PEBP4: variants seen among roughly 807,000 people sequenced by gnomAD.
The protein encoded by PEBP4 is phosphatidylethanolamine binding protein 4.
A neutral mutation model predicts 23.9 loss-of-function variants in PEBP4; 22 were observed. The ratio of observed to expected loss-of-function variants is 0.92; its 90% CI spans 0.66 to 1.31. The LOEUF is 1.31. PEBP4 is among the 40% of genes most tolerant of loss of function. The pLI is 0.00. For synonymous variants in PEBP4, 112 were observed against 99.3 expected, an observed-to-expected ratio of 1.13 and a Z score of -0.76; for missense variants, 324 against 281.7, an observed-to-expected ratio of 1.15 and a Z score of -1.07.
intron 3 of PEBP4, among the ~76,000 whole-genome samples, chr8:22,843,556 A>G (rs1386010889): frequency 1.3e-5 from 2 of 152,188 alleles, no homozygotes; most frequent in African/African-American, 4.8e-5. Flanking sequence ...GGTGTACTTG[A>G]CGGTGCTCAA....
intron 6 of PEBP4, among the ~76,000 whole-genome samples, chr8:22,715,395 C>T (rs1804394388): frequency 6.6e-6 from 1 of 151,788 alleles, no homozygotes; most frequent in Non-Finnish European, 1.5e-5. Flanking sequence ...AGTGTGTGCA[C>T]ACACATGTGT....
At chr8:22,851,826 ATTGAG>A (rs1184840877) in intron 3 of PEBP4, among the ~76,000 whole-genome samples, 1 of 152,112 alleles carries the variant, frequency 6.6e-6, no homozygotes, top group African/African-American at 2.4e-5. Flanking sequence ...ATGCACTGCA[ATTGAG>A]TTAAGTGGAA....
At chr8:22,767,977 C>T (rs762707782) in intron 4 of PEBP4, among the ~76,000 whole-genome samples, 6 of 152,228 alleles carry the variant, frequency 3.9e-5, no homozygotes, top group Admixed American at 6.5e-5. Context: ...TCAGGTGATC[C>T]GCCCACCCCG....
chr8:22,726,323 C>T (rs567526227), intron 5 of PEBP4, among the ~76,000 whole-genome samples: 1 of 152,312 alleles, frequency 6.6e-6, no homozygotes, highest in South Asian at 2.1e-4. Context: ...GATGTGTGGG[C>T]ATGTGGGCTG....
intron 3 of PEBP4, among the ~76,000 whole-genome samples, chr8:22,851,001 G>C (rs1049910079): frequency 2.0e-5 from 3 of 152,214 alleles, no homozygotes. Context: ...TTAGGAAACA[G>C]CATTTGGGCA....
In PEBP4 at chr8:22,803,085, C is replaced by T. The variant is rs189058566; in HGVS notation, c.357+14552G>A. 2.1e-4 allele frequency among the ~76,000 whole-genome samples: 32 copies of T among 152,322 alleles called. No homozygotes were observed. The East Asian group carries it at 6.2e-3, about 29-fold the overall frequency. On this transcript the variant is annotated intron_variant, in intron 4 of 6. Coordinates refer to ENST00000256404, the MANE Select transcript of PEBP4 (RefSeq NM_144962.3). The stretch of plus-strand genomic sequence containing the variant: ...GCCTCCAAGGCCCTGTACCGTGAGA[C>T]CTCCCTGCCTCTCCTCACTCTCCTC...
chr8:22,850,063 T>C (rs921133396), intron 3 of PEBP4, among the ~76,000 whole-genome samples: 2 of 151,482 alleles, frequency 1.3e-5, no homozygotes, highest in Admixed American at 6.6e-5. Flanking sequence ...TAAGGACTCC[T>C]GGATCCCCCA....
intron 4 of PEBP4, among the ~76,000 whole-genome samples, chr8:22,802,938 C>T (rs1456755985): frequency 1.3e-5 from 2 of 152,156 alleles, no homozygotes; most frequent in African/African-American, 4.8e-5. Context: ...CACAGGGCGG[C>T]AGAGACTAGA....
chr8:22,929,906 T>C (rs1809428217), upstream of PEBP4, among the ~76,000 whole-genome samples: 1 of 152,162 alleles, frequency 6.6e-6, no homozygotes. Flanking sequence ...GGGTCTTGCA[T>C]TGTTGCCCAG....
At chr8:22,807,891 C>A (rs1260762565) in intron 4 of PEBP4, among the ~76,000 whole-genome samples, 2 of 151,780 alleles carry the variant, frequency 1.3e-5, no homozygotes, top group African/African-American at 4.8e-5. Flanking sequence ...ATCCATCCAT[C>A]CATCCACCCA....
At chr8:22,929,572 T>A (rs770367748), upstream of PEBP4, among the ~76,000 whole-genome samples, 4 of 152,210 alleles carry the variant, frequency 2.6e-5, no homozygotes, top group Non-Finnish European at 5.9e-5. Context: ...TAGGCACTAT[T>A]ATCACCCCAT....
chr8:22,818,868 G>A (rs190116416), intron 3 of PEBP4, among the ~76,000 whole-genome samples: 61 of 152,220 alleles, frequency 4.0e-4, no homozygotes, highest in Admixed American at 2.2e-3. Flanking sequence ...TCAACGGCAC[G>A]GCAGTAAGGA....
intron 4 of PEBP4, among the ~76,000 whole-genome samples, chr8:22,788,193 G>A (rs894337680): frequency 6.6e-6 from 1 of 152,142 alleles, no homozygotes; most frequent in Non-Finnish European, 1.5e-5. Context: ...AGGTGGCAGT[G>A]GGATCCAGGT....
intron 4 of PEBP4, among the ~76,000 whole-genome samples, chr8:22,782,156 T>A (rs1805930199): frequency 6.6e-6 from 1 of 151,732 alleles, no homozygotes; most frequent in Admixed American, 6.6e-5. Flanking sequence ...AGGGGAGAGG[T>A]CTCTCGGGCT....
chr8:22,898,938 GTCCCAGTA>G, intron 3 of PEBP4, among the ~76,000 whole-genome samples: 1 of 152,202 alleles, frequency 6.6e-6, no homozygotes, highest in East Asian at 1.9e-4. Flanking sequence ...AAGAAACTGA[GTCCCAGTA>G]TCCCTTTGCT....
chr8:22,877,372 G>A (rs1808143473), intron 3 of PEBP4, among the ~76,000 whole-genome samples: 1 of 152,152 alleles, frequency 6.6e-6, no homozygotes. Flanking sequence ...CAACCTCCTG[G>A]TTGGTTGGCA....
intron 6 of PEBP4, among the ~76,000 whole-genome samples, chr8:22,723,373 T>G (rs907942425): frequency 1.3e-5 from 2 of 152,010 alleles, no homozygotes; most frequent in African/African-American, 4.8e-5. Flanking sequence ...TCCCTTCCTC[T>G]CCCTTGTCTG....
At chr8:22,853,073 T>A (rs910453425) in intron 3 of PEBP4, among the ~76,000 whole-genome samples, 13 of 152,258 alleles carry the variant, frequency 8.5e-5, no homozygotes, top group African/African-American at 3.1e-4. Context: ...CATCTTGGGC[T>A]AAAACAAGCA....
chr8:22,908,028 G>C (rs911699796), intron 3 of PEBP4, among the ~76,000 whole-genome samples: 2 of 150,910 alleles, frequency 1.3e-5, no homozygotes, highest in African/African-American at 4.9e-5. Context: ...AAAAAAAAGA[G>C]ATACTGATGA....
Sources: gnomAD v4.1 joint callset for allele counts (sites outside exome capture counted in the v4.1 genomes callset) on GRCh38, gnomAD v4.1.1 for gene constraint, MANE v1.5 for transcripts, NCBI Gene and HGNC (gene_info 2026-07-23, HGNC 2026-07-21) for gene names.